DRC9: variants seen among roughly 807,000 people sequenced by gnomAD.
DRC9 encodes dynein regulatory complex subunit 9.
chr3:197,951,663 A>G, the DRC9 span: 1 of 257,556 alleles, frequency 3.9e-6, no homozygotes. Flanking sequence ...TCATTATCCT[A>G]TTGAAATAAT....
the DRC9 span, among the ~76,000 whole-genome samples, chr3:197,941,872 A>G: frequency 2.8e-4 from 43 of 152,242 alleles, no homozygotes; most frequent in South Asian, 8.9e-3. Flanking sequence ...ATAAATAGGA[A>G]GAATACACCA....
At chr3:197,913,528 G>C in the DRC9 span, 1 of 416,900 alleles carries the variant, frequency 2.4e-6, no homozygotes, top group Non-Finnish European at 4.5e-6. Context: ...TTAGATGAAA[G>C]AAACAGCAGC....
At chr3:197,907,732 C>A in the DRC9 span, among the ~76,000 whole-genome samples, 132 of 152,126 alleles carry the variant, frequency 8.7e-4, no homozygotes, top group Non-Finnish European at 1.6e-3. Flanking sequence ...AAGGCATCCT[C>A]CCAGATGAAG....
chr3:197,958,734 T>C, the DRC9 span: 1 of 152,252 alleles, frequency 6.6e-6, no homozygotes, highest in Non-Finnish European at 1.5e-5. Flanking sequence ...AAATACATGC[T>C]CTTCCTTACT....
the DRC9 span, among the ~76,000 whole-genome samples, chr3:197,896,471 AC>A: frequency 4.3e-3 from 655 of 152,380 alleles, 11 homozygotes; most frequent in African/African-American, 0.015. Flanking sequence ...AAAGAAGGAA[AC>A]AAAATAAAGT....
chr3:197,908,582 C>T, the DRC9 span, among the ~76,000 whole-genome samples: 1 of 141,008 alleles, frequency 7.1e-6, no homozygotes, highest in South Asian at 2.3e-4. Flanking sequence ...GTCTGAAGAG[C>T]AAGCAACCCT....
At chr3:197,921,074 T>C in the DRC9 span, among the ~76,000 whole-genome samples, 1 of 146,982 alleles carries the variant, frequency 6.8e-6, no homozygotes, top group East Asian at 2.0e-4. Flanking sequence ...ACCCGACTAC[T>C]GGTTTTCAGT....
chr3:197,936,536 T>C, the DRC9 span, among the ~76,000 whole-genome samples: 1 of 152,112 alleles, frequency 6.6e-6, no homozygotes, highest in Admixed American at 6.6e-5. Flanking sequence ...CTACTTTTCT[T>C]GATTTTTAGT....
chr3:197,908,531 C>T, the DRC9 span, among the ~76,000 whole-genome samples: 1 of 148,276 alleles, frequency 6.7e-6, no homozygotes, highest in Non-Finnish European at 1.5e-5. Flanking sequence ...CTTTCCCAGG[C>T]ATCCTCCCAG....
the DRC9 span, chr3:197,951,438 C>A: frequency 1.9e-6 from 2 of 1,031,500 alleles, no homozygotes; most frequent in Admixed American, 1.8e-5. Context: ...CCGAAACCTC[C>A]GCCTCCCGGG....
the DRC9 span, among the ~76,000 whole-genome samples, chr3:197,936,561 A>T: frequency 6.6e-6 from 1 of 152,040 alleles, no homozygotes; most frequent in African/African-American, 2.4e-5. Flanking sequence ...ATGAGATTTC[A>T]CTATGTTACC....
the DRC9 span, chr3:197,914,143 G>C: frequency 6.3e-6 from 6 of 956,652 alleles, no homozygotes; most frequent in Non-Finnish European, 1.0e-5. Context: ...AAATCAATAA[G>C]GAACTGGAAC....
the DRC9 span, among the ~76,000 whole-genome samples, chr3:197,941,127 C>T: frequency 0.22 from 32,708 of 146,144 alleles, 4,064 homozygotes; most frequent in African/African-American, 0.39. Context: ...TTTGTTTGTC[C>T]TTCCTTCCTT....
the DRC9 span, among the ~76,000 whole-genome samples, chr3:197,917,431 C>G: frequency 2.6e-5 from 4 of 152,178 alleles, no homozygotes; most frequent in Non-Finnish European, 1.5e-5. Flanking sequence ...CCAACTAGAT[C>G]GGAATCATTC....
chr3:197,911,332 A>G, the DRC9 span, among the ~76,000 whole-genome samples: 1 of 152,178 alleles, frequency 6.6e-6, no homozygotes, highest in African/African-American at 2.4e-5. Flanking sequence ...AAGTCACAAA[A>G]TACTAGTCTC....
the DRC9 span, among the ~76,000 whole-genome samples, chr3:197,952,162 G>GTTT: frequency 3.1e-3 from 259 of 83,894 alleles, 40 homozygotes; most frequent in East Asian, 0.01. Context: ...AAAATTATGG[G>GTTT]TTTTTTTTTT....
the DRC9 span, among the ~76,000 whole-genome samples, chr3:197,895,630 A>T: frequency 6.6e-6 from 1 of 152,182 alleles, no homozygotes; most frequent in Admixed American, 6.5e-5. Context: ...AATGATATAA[A>T]AATCTTAATT....
chr3:197,934,481 G>A, the DRC9 span, among the ~76,000 whole-genome samples: 5 of 151,442 alleles, frequency 3.3e-5, no homozygotes, highest in East Asian at 5.9e-4. Flanking sequence ...CACGGCGCCC[G>A]GCCAAACGTT....
At chr3:197,889,890 C>A in the DRC9 span, among the ~76,000 whole-genome samples, 13 of 152,276 alleles carry the variant, frequency 8.5e-5, no homozygotes, top group Admixed American at 5.9e-4. Flanking sequence ...CGTGCAGGAC[C>A]CGGAGCTTAA....
Sources: allele counts gnomAD v4.1 joint callset (sites outside exome capture counted in the v4.1 genomes callset), GRCh38; gene constraint gnomAD v4.1.1; transcripts MANE v1.5; gene names NCBI Gene and HGNC (gene_info 2026-07-23, HGNC 2026-07-21).